Variants in ANO3 observed in about 807,000 individuals in gnomAD.
ANO3 encodes anoctamin-3.
A neutral mutation model predicts 144.8 loss-of-function variants in ANO3; 99 were observed. The ratio of observed to expected loss-of-function variants is 0.68; its 90% CI spans 0.58 to 0.81. The LOEUF is 0.81. Among genes scored for constraint, ANO3 ranks in the 30% least tolerant of loss-of-function variants. The pLI, the probability that ANO3 is intolerant of heterozygous loss-of-function variation, is 0.00. For synonymous variants in ANO3, 414 were observed against 392.6 expected (o/e 1.05, Z -0.64); for missense variants, 905 against 1,202.2 (o/e 0.75, Z 3.66).
chr11:26,633,552 T>A (rs1366155926), intron 18 of ANO3, among the ~76,000 whole-genome samples: 1 of 152,206 alleles, frequency 6.6e-6, no homozygotes, highest in Non-Finnish European at 1.5e-5. Flanking sequence ...TTATATTGAG[T>A]GTAGCCAGTT....
At chr11:26,350,006 C>T (rs1253631483) in intron 1 of ANO3, among the ~76,000 whole-genome samples, 1 of 151,468 alleles carries the variant, frequency 6.6e-6, no homozygotes, top group Non-Finnish European at 1.5e-5. Context: ...CCTTAGAAAT[C>T]ATTAATCTGA....
chr11:26,525,167 C>T (rs1019595790), intron 6 of ANO3, among the ~76,000 whole-genome samples: 1 of 152,056 alleles, frequency 6.6e-6, no homozygotes, highest in Non-Finnish European at 1.5e-5. Flanking sequence ...CAAACTGACC[C>T]TACCTCTTTT....
chr11:26,342,289 C>T (rs1323269861), intron 1 of ANO3, among the ~76,000 whole-genome samples: 1 of 152,062 alleles, frequency 6.6e-6, no homozygotes, highest in Non-Finnish European at 1.5e-5. Flanking sequence ...TTTGTGTCGC[C>T]TCCAAAATTC....
chr11:26,332,565 ATC>A (rs1170168913), intron 1 of ANO3, among the ~76,000 whole-genome samples: 1 of 151,322 alleles, frequency 6.6e-6, no homozygotes, highest in African/African-American at 2.4e-5. Context: ...CTTAATGTAT[ATC>A]TCTGTGAAGA....
At chr11:26,356,027 C>G (rs1392358416) in intron 1 of ANO3, among the ~76,000 whole-genome samples, 4 of 151,926 alleles carry the variant, frequency 2.6e-5, no homozygotes, top group Non-Finnish European at 5.9e-5. Context: ...TAATTTTATC[C>G]ATTTCCTTTC....
chr11:26,527,275 T>C (rs545964021), intron 7 of ANO3, among the ~76,000 whole-genome samples: 1 of 152,260 alleles, frequency 6.6e-6, no homozygotes, highest in South Asian at 2.1e-4. Context: ...CTATTATATG[T>C]CATTACTTGT....
intron 7 of ANO3, among the ~76,000 whole-genome samples, chr11:26,528,219 C>A (rs954986923): frequency 2.6e-5 from 4 of 152,024 alleles, no homozygotes; most frequent in Non-Finnish European, 4.4e-5. Context: ...TTCTGTGCCC[C>A]GTGGTGTCAG....
chr11:26,244,116 G>GAAAA (rs755726181), intron 1 of ANO3, among the ~76,000 whole-genome samples: 2 of 94,692 alleles, frequency 2.1e-5, no homozygotes, highest in Admixed American at 1.2e-4. Context: ...GACTCTGTCT[G>GAAAA]AAAAAAAAAA....
At chr11:26,449,487 T>A (rs1368524958) in intron 3 of ANO3, among the ~76,000 whole-genome samples, 45 of 28,140 alleles carry the variant, frequency 1.6e-3, no homozygotes, top group African/African-American at 3.3e-3. Flanking sequence ...TCTCTCTCTC[T>A]CACACACACA....
chr11:26,574,528 G>A (rs1850937542), intron 14 of ANO3, among the ~76,000 whole-genome samples: 1 of 152,002 alleles, frequency 6.6e-6, no homozygotes, highest in African/African-American at 2.4e-5. Context: ...GGTACTTTAA[G>A]CAAATAAGAA....
intron 12 of ANO3, among the ~76,000 whole-genome samples, chr11:26,549,834 A>G (rs1156305286): frequency 6.6e-6 from 1 of 151,876 alleles, no homozygotes; most frequent in Non-Finnish European, 1.5e-5. Context: ...TCTCTGGCCT[A>G]TTATTGCCTC....
chr11:26,335,368 C>T (rs181730737), intron 1 of ANO3, among the ~76,000 whole-genome samples: 4 of 152,100 alleles, frequency 2.6e-5, no homozygotes, highest in African/African-American at 7.2e-5. Flanking sequence ...GTATATTGGA[C>T]TCTTAGCAGT....
Position 26,508,195 on chromosome 11 carries a change from T to C in ANO3, c.524T>C (p.Ile175Thr), listed in dbSNP as rs1318484249. 1 of 1,605,976 alleles carries C rather than the reference T, an allele frequency of 6.2e-7. No individual in the cohort carries two copies. Among genetic ancestry groups the C allele is most frequent in the Non-Finnish European group, 8.5e-7 (1 of 1,177,646 alleles). Residue 175 changes from isoleucine (I) to threonine (T), a missense_variant, in exon 5 of 27, where the codon ATA becomes ACA. By Grantham distance (89) the Ile-to-Thr change is moderately conservative. Coordinates refer to ENST00000256737, the MANE Select transcript of ANO3 (RefSeq NM_031418.4). ...DYILVYRKTNIQYDKRNTFEK... is the reference protein window; with the variant it reads ...DYILVYRKTNTQYDKRNTFEK... ...ATCTTGGTTTATAGAAAGACAAATATACAATATGATAAAAGAAACACATTT... is the reference window on the plus strand; with the variant it reads ...ATCTTGGTTTATAGAAAGACAAATACACAATATGATAAAAGAAACACATTT...
chr11:26,532,539 A>G (rs1429334837), intron 8 of ANO3, among the ~76,000 whole-genome samples: 1 of 152,110 alleles, frequency 6.6e-6, no homozygotes, highest in Non-Finnish European at 1.5e-5. Flanking sequence ...ATTATTTACT[A>G]TGTGGGCATA....
At chr11:26,597,158 G>C (rs562000639) in intron 14 of ANO3, among the ~76,000 whole-genome samples, 1 of 152,142 alleles carries the variant, frequency 6.6e-6, no homozygotes, top group Non-Finnish European at 1.5e-5. Flanking sequence ...AAATGTTACC[G>C]GCGGGTCTTT....
chr11:26,285,509 T>C (rs748832545), intron 1 of ANO3, among the ~76,000 whole-genome samples: 2 of 152,324 alleles, frequency 1.3e-5, no homozygotes, highest in South Asian at 4.1e-4. Flanking sequence ...TCTCTGTTTC[T>C]TATAAAGGAA....
At chr11:26,353,479 A>G (rs1176024951) in intron 1 of ANO3, among the ~76,000 whole-genome samples, 1 of 151,974 alleles carries the variant, frequency 6.6e-6, no homozygotes, top group Non-Finnish European at 1.5e-5. Flanking sequence ...TCTTACTTGG[A>G]ATCTATCCAA....
chr11:26,609,591 C>T (rs1356547717), intron 17 of ANO3, among the ~76,000 whole-genome samples: 1 of 152,082 alleles, frequency 6.6e-6, no homozygotes, highest in Non-Finnish European at 1.5e-5. Flanking sequence ...TGCTTCTAGT[C>T]AGCCATCTTT....
chr11:26,549,083 C>T (rs927241379), intron 12 of ANO3, among the ~76,000 whole-genome samples: 4 of 151,920 alleles, frequency 2.6e-5, no homozygotes, highest in African/African-American at 9.7e-5. Context: ...TTCCCCACTC[C>T]ACCACTACAA....
Sources: allele counts gnomAD v4.1 joint callset (sites outside exome capture counted in the v4.1 genomes callset), GRCh38; gene constraint gnomAD v4.1.1; transcripts MANE v1.5; gene names NCBI Gene and HGNC (gene_info 2026-07-23, HGNC 2026-07-21).